MARCO: variants seen among roughly 807,000 people sequenced by gnomAD.
The protein encoded by MARCO is macrophage receptor MARCO.
In MARCO, 72 loss-of-function variants were observed where a neutral mutation model predicts 70.0. The observed-to-expected ratio is 1.03, with a 90% CI of 0.85 to 1.25. The LOEUF (loss-of-function observed/expected upper bound fraction) is 1.25. Among genes scored for constraint, MARCO ranks in the 50% most tolerant of loss-of-function variants. The pLI is 0.00. For missense variants in MARCO, 696 were observed against 659.3 expected (o/e 1.06, Z -0.61); for synonymous variants, 273 against 243.1 (o/e 1.12, Z -1.14).
intron 6 of MARCO, among the ~76,000 whole-genome samples, chr2:118,975,614 G>GT (rs1680264554): frequency 6.6e-6 from 1 of 152,144 alleles, no homozygotes; most frequent in Non-Finnish European, 1.5e-5. Context: ...TGCAGTCAGA[G>GT]GTGTGCACAT....
At chr2:118,957,626 G>C (rs887677992) in intron 1 of MARCO, among the ~76,000 whole-genome samples, 1 of 152,036 alleles carries the variant, frequency 6.6e-6, no homozygotes, top group African/African-American at 2.4e-5. Context: ...CCACAAGACA[G>C]AGAAAGAAGG....
chr2:118,970,200 T>C lies in MARCO; in HGVS notation c.286T>C (p.Leu96=). ...GGCTGAGGACAGCCCGTCCTTCTCC[T>C]TGCTGCAGTCAGCACACCCTGGAGA... ...LAAEDSPSFS[L]LQSAHPGEHL... Residue 96 remains leucine (L), a synonymous_variant, in exon 3 of 17, where the codon TTG becomes CTG. Transcript: ENST00000327097. The C allele has an allele frequency of 6.2e-7, 1 of 1,614,162 alleles. No individual in the cohort carries two copies. The highest frequency in any genetic ancestry group is 8.5e-7 in the Non-Finnish European group (1 of 1,180,028).
chr2:118,975,827 C>T (rs975386947), intron 6 of MARCO, among the ~76,000 whole-genome samples: 1 of 152,180 alleles, frequency 6.6e-6, no homozygotes, highest in African/African-American at 2.4e-5. Flanking sequence ...CATCTATGTA[C>T]ATATTTGCAT....
intron 1 of MARCO, among the ~76,000 whole-genome samples, chr2:118,951,352 G>T (rs1295631351): frequency 6.6e-6 from 1 of 152,214 alleles, no homozygotes; most frequent in Admixed American, 6.5e-5. Flanking sequence ...AGTGGCTAAC[G>T]TTAAATCACT....
intron 8 of MARCO, among the ~76,000 whole-genome samples, chr2:118,979,760 G>A (rs531118285): frequency 6.6e-6 from 1 of 152,156 alleles, no homozygotes; most frequent in African/African-American, 2.4e-5. Flanking sequence ...AAGATCATGA[G>A]GTCTCTCTTA....
chr2:118,960,686 AT>A (rs144222198), intron 1 of MARCO, among the ~76,000 whole-genome samples: 19,469 of 152,044 alleles, frequency 0.13, 1,358 homozygotes, highest in South Asian at 0.27. Context: ...TTTTAAATAT[AT>A]TGCTTGATAT....
intron 1 of MARCO, among the ~76,000 whole-genome samples, chr2:118,953,970 A>G (rs1198062570): frequency 6.6e-6 from 1 of 152,186 alleles, no homozygotes; most frequent in East Asian, 1.9e-4. Flanking sequence ...GGAATCCATC[A>G]GGAAGGTGGC....
chr2:118,965,539 T>C (rs1322020493), intron 1 of MARCO, among the ~76,000 whole-genome samples: 1 of 152,242 alleles, frequency 6.6e-6, no homozygotes, highest in Non-Finnish European at 1.5e-5. Flanking sequence ...CTGTGTCATC[T>C]CAATGCTGGT....
chr2:118,982,422 T>G lies in MARCO; in HGVS notation c.1063+12T>G, dbSNP rs775916217. ...CAAAGGGGACACAGGTAACAGAGGG[T>G]GCAGTGGGTGAGTAGGTGGGCTTGC... On this transcript the variant is annotated intron_variant, in intron 12 of 16. Coordinates refer to ENST00000327097, the MANE Select transcript of MARCO (RefSeq NM_006770.4). 19 of 1,613,088 alleles carry G rather than the reference T, an allele frequency of 1.2e-5. No individual in the cohort carries two copies. The South Asian group carries it at 2.1e-4, about 18-fold the overall frequency.
intron 1 of MARCO, among the ~76,000 whole-genome samples, chr2:118,943,972 T>C (rs1307431159): frequency 2.6e-5 from 4 of 151,790 alleles, no homozygotes; most frequent in Non-Finnish European, 5.9e-5. Context: ...CAGCAAGAGA[T>C]GATGAGGGGC....
In MARCO at chr2:118,971,675, TTGGGTCTCCTCTC is replaced by T. The variant is rs1680175007; in HGVS notation, c.460+144_460+156del. ...TCTCCACAGCCTCCTTTGTCTTCAG[TTGGGTCTCCTCTC>T]TGTTCCCAGAACTTAACTGGACTCC... On this transcript the variant is annotated intron_variant, in intron 4 of 16. Coordinates refer to ENST00000327097, the MANE Select transcript of MARCO (RefSeq NM_006770.4). The T allele has an allele frequency of 3.8e-6, 3 of 792,208 alleles. No homozygotes were observed. The South Asian group carries it at 5.1e-5, about 13-fold the overall frequency. 49.1% of individuals were successfully genotyped at this position (792,208 alleles called of 1,614,324 possible).
chr2:118,951,217 T>C (rs1679716665), intron 1 of MARCO, among the ~76,000 whole-genome samples: 1 of 152,238 alleles, frequency 6.6e-6, no homozygotes, highest in South Asian at 2.1e-4. Context: ...TATCATCCTG[T>C]CACCAAGGAG....
At position 118,991,870 on chromosome 2, in the gene MARCO, T is replaced by C. The variant is rs373753663; in HGVS notation, c.1202T>C (p.Val401Ala). The C allele has an allele frequency of 2.3e-5, 36 of 1,592,852 alleles. No individual in the cohort carries two copies. The highest frequency in any genetic ancestry group is 3.0e-5 in the Non-Finnish European group (35 of 1,170,406). ...GQAGQKGDQGVKGSSGEQGVK... is the reference protein window; with the variant it reads ...GQAGQKGDQGAKGSSGEQGVK... ...GCTGGCCAGAAGGGAGACCAGGGAG[T>C]GAAAGGTAAGGCCTCTGCATCTGAT... is the stretch of plus-strand genomic sequence containing the variant. The change falls in exon 14 of 17, where the codon GTG becomes GCG. Residue 401 changes from valine (V) to alanine (A), a missense_variant. Around this residue, in one of 3 missense-constraint regions of MARCO, gnomAD observed 605 missense variants for 537.6 expected, o/e 1.13. Coordinates refer to ENST00000327097, the MANE Select transcript of MARCO (RefSeq NM_006770.4).
rs1308361608 is a variant in MARCO at position 118,970,236 on chromosome 2, C to T, written c.322C>T (p.Gln108Ter). 5 of 1,614,128 alleles carry T rather than the reference C, an allele frequency of 3.1e-6. No homozygotes were observed. The highest frequency in any genetic ancestry group is 4.2e-6 in the Non-Finnish European group (5 of 1,180,026). ...AGCACACCCTGGAGAACACCTGGCT[C>T]AGGGTGCATCGAGGCTGCAAGTCCT... ...QSAHPGEHLA[Q>*]GASRLQVLQA... The change falls in exon 3 of 17, where the codon CAG becomes TAG. Residue 108 changes from glutamine to a stop codon, truncating the protein, a stop_gained. Transcript: ENST00000327097. LOFTEE classifies it high-confidence loss of function.
In MARCO at chr2:118,981,847, G is replaced by A. The variant is rs762096494; in HGVS notation, c.901+191G>A. Among the ~76,000 whole-genome samples, 7 of 152,164 alleles carry A rather than the reference G, an allele frequency of 4.6e-5. 1 individual carries two copies. Among genetic ancestry groups the A allele is most frequent in the Admixed American group, 4.6e-4 (7 of 15,282 alleles). On this transcript the variant is annotated intron_variant, in intron 10 of 16. Coordinates refer to ENST00000327097, the MANE Select transcript of MARCO (RefSeq NM_006770.4). ...GGCGGTGGGGGCAGGCCTCACTGAT[G>A]TTTCTCTCTAGACTTTACCCCACTT...
intron 7 of MARCO, 132 bp from the exon 8 acceptor site, chr2:118,977,696 C>A: frequency 1.2e-6 from 1 of 827,466 alleles, no homozygotes; most frequent in Non-Finnish European, 1.9e-6. Context: ...AAGAAATGAG[C>A]TAGCACATCC....
At chr2:118,957,212 A>G (rs1679853314) in intron 1 of MARCO, among the ~76,000 whole-genome samples, 1 of 152,108 alleles carries the variant, frequency 6.6e-6, no homozygotes, top group East Asian at 1.9e-4. Flanking sequence ...GTTCTTTAAA[A>G]TATAAACAAA....
At chr2:118,980,821 A>G (rs1303251388) in intron 8 of MARCO, among the ~76,000 whole-genome samples, 1 of 152,104 alleles carries the variant, frequency 6.6e-6, no homozygotes, top group Non-Finnish European at 1.5e-5. Flanking sequence ...GCCTCTGTCA[A>G]TTGATATGCA....
chr2:118,986,576 G>GGAAGGAAGGAA (rs1192329700), intron 12 of MARCO, among the ~76,000 whole-genome samples: 1 of 70,246 alleles, frequency 1.4e-5, no homozygotes, highest in Admixed American at 1.5e-4. Context: ...GAGGGAGGGA[G>GGAAGGAAGGAA]GGAAGGAAAG....
Sources: allele counts gnomAD v4.1 joint callset (sites outside exome capture counted in the v4.1 genomes callset), GRCh38; gene constraint gnomAD v4.1.1; regional missense constraint gnomAD v4.1.1; transcripts MANE v1.5; gene names NCBI Gene and HGNC (gene_info 2026-07-23, HGNC 2026-07-21).